Variants in MMAA observed in about 807,000 individuals in gnomAD.
MMAA encodes the protein methylmalonic aciduria type A protein, mitochondrial.
MMAA carries 41 observed loss-of-function variants against 45.0 expected under a neutral mutation model. That is an observed-to-expected ratio of 0.91 (90% CI 0.71 to 1.18). The LOEUF (loss-of-function observed/expected upper bound fraction) is 1.18. MMAA is among the 50% of genes most tolerant of loss of function. The pLI, the probability that MMAA is intolerant of heterozygous loss-of-function variation, is 0.00. For synonymous variants in MMAA, 154 were observed against 178.2 expected, an observed-to-expected ratio of 0.86 and a Z score of 1.08; for missense variants, 460 against 495.7, an observed-to-expected ratio of 0.93 and a Z score of 0.68.
In MMAA at chr4:145,625,692, G is replaced by C. The variant is rs1012678648; in HGVS notation, c.-66+6285G>C. The C allele has an allele frequency of 2.7e-5, 39 of 1,450,406 alleles. 1 individual carries two copies. The highest frequency in any genetic ancestry group is 9.7e-6 in the Non-Finnish European group (10 of 1,033,048). The allele number at this position is 1,450,406 out of a possible 1,614,324, so 89.8% of individuals were successfully genotyped here. On this transcript the variant is annotated intron_variant, in intron 1 of 6. Coordinates refer to ENST00000649156, the MANE Select transcript of MMAA (RefSeq NM_172250.3). ...CTCTAGGCACACAGAGACTTGATTG[G>C]CTAGATCTTTGTTTTGGGTACACTC...
At chr4:145,633,785 T>C (rs1434049329) in intron 1 of MMAA, among the ~76,000 whole-genome samples, 1 of 152,262 alleles carries the variant, frequency 6.6e-6, no homozygotes, top group East Asian at 1.9e-4. Flanking sequence ...ATCTAAGCCA[T>C]ATCTGCATTT....
At position 145,656,757 on chromosome 4, in the gene MMAA, T is replaced by C. The variant is rs1173312147; in HGVS notation, c.*1323T>C. 3.9e-5 allele frequency: 6 copies of C among 152,238 alleles called. No homozygotes were observed. The highest frequency in any genetic ancestry group is 1.4e-4 in the African/African-American group (6 of 41,468). 9.4% of individuals were successfully genotyped at this position (152,238 alleles called of 1,614,324 possible). On this transcript the variant is annotated 3_prime_UTR_variant, in exon 7 of 7. Transcript: ENST00000649156. The stretch of plus-strand genomic sequence containing the variant: ...AGCCTTTATAGAAGTTTCTAACATA[T>C]TCTATTCTGAACCCTGTAGAATATT...
At position 145,658,560 on chromosome 4, in the gene MMAA, A is replaced by AT. The variant is rs1728297741; in HGVS notation, c.*3130dup. 6.6e-6 allele frequency: 1 copy of AT among 152,124 alleles called. No homozygotes were observed. The highest frequency in any genetic ancestry group is 1.9e-4 in the East Asian group (1 of 5,196). The allele number at this position is 152,124 out of a possible 1,614,324, so 9.4% of individuals were successfully genotyped here. On this transcript the variant is annotated 3_prime_UTR_variant, in exon 7 of 7. Transcript: ENST00000649156. ...CTATCCCAATACAACCTAACAAGGCATTTTCTCTTCAGAATCACTCGATCA... is the reference window on the plus strand; with the variant it reads ...CTATCCCAATACAACCTAACAAGGCATTTTTCTCTTCAGAATCACTCGATCA...
chr4:145,655,750 T>C lies in MMAA; in HGVS notation c.*316T>C, dbSNP rs1269430525. The C allele has an allele frequency of 1.0e-5, 2 of 199,526 alleles. No individual in the cohort carries two copies. Among genetic ancestry groups the C allele is most frequent in the East Asian group, 2.4e-4 (2 of 8,164 alleles). The allele number at this position is 199,526 out of a possible 1,614,324, so 12.4% of individuals were successfully genotyped here. A position where few individuals can be genotyped will look rare whatever the true frequency, so the allele number is the denominator to read the frequency against. ...GGAGAGCAGAAAATATCTTGCACTTTAAAATGCTTATTTTGATTCCATATT... is the reference window on the plus strand; with the variant it reads ...GGAGAGCAGAAAATATCTTGCACTTCAAAATGCTTATTTTGATTCCATATT... On this transcript the variant is annotated 3_prime_UTR_variant, in exon 7 of 7. Transcript: ENST00000649156.
intron 4 of MMAA, chr4:145,650,319 A>G (rs1485182653): frequency 6.6e-6 from 1 of 152,344 alleles, no homozygotes; most frequent in South Asian, 2.1e-4. Context: ...TTCTTATTAC[A>G]CTGAGACTGC....
At chr4:145,652,613 C>T (rs990712052) in intron 5 of MMAA, among the ~76,000 whole-genome samples, 1 of 151,910 alleles carries the variant, frequency 6.6e-6, no homozygotes. Flanking sequence ...GCCTGTAGTC[C>T]CAGCTACTTG....
At position 145,624,850 on chromosome 4, in the gene MMAA, C is replaced by G. The variant is rs200871672; in HGVS notation, c.-66+5443C>G. ...TTACATGGGTCCTGATGGTTCTGGA[C>G]AAGCCAATCCTCTGTAACCATGCTG... On this transcript the variant is annotated intron_variant, in intron 1 of 6. Transcript: ENST00000649156. The G allele has an allele frequency of 5.4e-4, 867 of 1,607,380 alleles. 4 individuals carry two copies. In the African/African-American group the frequency reaches 8.3e-3, roughly 15 times the overall value.
At chr4:145,651,987 GC>G in intron 5 of MMAA, among the ~76,000 whole-genome samples, 1 of 152,106 alleles carries the variant, frequency 6.6e-6, no homozygotes, top group Non-Finnish European at 1.5e-5. Flanking sequence ...CCCCCCTGCT[GC>G]CCCCCTGCTG....
chr4:145,654,057 T>C lies in MMAA; in HGVS notation c.883T>C (p.Leu295=). 2 of 1,614,162 alleles carry C rather than the reference T, an allele frequency of 1.2e-6. No homozygotes were observed. Among genetic ancestry groups the C allele is most frequent in the Non-Finnish European group, 1.7e-6 (2 of 1,180,020 alleles). ...LVAVTKSDGD[L]IVPARRIQAE... The stretch of plus-strand genomic sequence containing the variant: ...AGCTGTAACTAAATCTGATGGAGAC[T>C]TGATTGTGCCAGCTCGAAGGATACA... The change falls in exon 6 of 7, where the codon TTG becomes CTG. Residue 295 remains leucine (L), a synonymous_variant. Transcript: ENST00000649156.
At chr4:145,654,952 A>G (rs1211311749) in intron 6 of MMAA, among the ~76,000 whole-genome samples, 195 bp from the exon 7 acceptor site, 1 of 152,176 alleles carries the variant, frequency 6.6e-6, no homozygotes, top group Non-Finnish European at 1.5e-5. Context: ...TATTTCTGCT[A>G]TGCACTTAGT....
Position 145,655,442 on chromosome 4 carries a change from C to T in MMAA, c.*8C>T, listed in dbSNP as rs754224809. ...TTTAAAAGCAGAGACTAATAAAATT[C>T]ATCCTGTATAATAATTTTACATATC... On this transcript the variant is annotated 3_prime_UTR_variant, in exon 7 of 7. Coordinates refer to ENST00000649156, the MANE Select transcript of MMAA (RefSeq NM_172250.3). 5.6e-6 allele frequency: 9 copies of T among 1,602,946 alleles called. No individual in the cohort carries two copies. Among genetic ancestry groups the T allele is most frequent in the Non-Finnish European group, 7.7e-6 (9 of 1,174,116 alleles).
chr4:145,628,203 A>T (rs1435368204), intron 1 of MMAA, among the ~76,000 whole-genome samples: 1 of 152,206 alleles, frequency 6.6e-6, no homozygotes, highest in East Asian at 1.9e-4. Flanking sequence ...AAAAATTCTG[A>T]ATTTTATCTT....
chr4:145,637,508 G>A (rs1727646013), intron 1 of MMAA, among the ~76,000 whole-genome samples: 1 of 150,846 alleles, frequency 6.6e-6, no homozygotes, highest in East Asian at 2.0e-4. Context: ...AGCACTTATA[G>A]TTCTACCAGT....
chr4:145,621,269 C>T (rs10029927), intron 1 of MMAA, among the ~76,000 whole-genome samples: 38,497 of 152,058 alleles, frequency 0.25, 6,248 homozygotes, highest in African/African-American at 0.46. Flanking sequence ...CTAGTTCAAG[C>T]CTGGATTTGA....
At chr4:145,638,913 C>G (rs1322232274) in intron 1 of MMAA, among the ~76,000 whole-genome samples, 162 bp from the exon 2 acceptor site, 2 of 152,142 alleles carry the variant, frequency 1.3e-5, no homozygotes, top group Non-Finnish European at 2.9e-5. Context: ...GGAGTCTTCT[C>G]TTTTAAGTTT....
At chr4:145,624,404 G>A (rs2126606931) in intron 1 of MMAA, 1 of 782,692 alleles carries the variant, frequency 1.3e-6, no homozygotes, top group Middle Eastern at 3.3e-4. Flanking sequence ...CTGTGTTAAA[G>A]GAACACCAGG....
chr4:145,625,835 C>T lies in MMAA; in HGVS notation c.-66+6428C>T. 3.2e-6 allele frequency: 4 copies of T among 1,234,954 alleles called. No homozygotes were observed. In the South Asian group the frequency reaches 3.7e-5, roughly 11 times the overall value. 76.5% of individuals were successfully genotyped at this position (1,234,954 alleles called of 1,614,324 possible). On this transcript the variant is annotated intron_variant, in intron 1 of 6. Coordinates refer to ENST00000649156, the MANE Select transcript of MMAA (RefSeq NM_172250.3). The stretch of plus-strand genomic sequence containing the variant: ...GGTCCACCTGTTCATTTAGTCACAC[C>T]TCATGGCTTCTAAGACGTTCCAGAT...
chr4:145,632,511 A>G (rs376919569), intron 1 of MMAA, among the ~76,000 whole-genome samples: 1 of 152,240 alleles, frequency 6.6e-6, no homozygotes, highest in East Asian at 1.9e-4. Flanking sequence ...GGTGATCTGT[A>G]AACTTCTTGT....
chr4:145,631,149 A>G (rs1394137086), intron 1 of MMAA, among the ~76,000 whole-genome samples: 1 of 152,244 alleles, frequency 6.6e-6, no homozygotes, highest in African/African-American at 2.4e-5. Context: ...TGTTCTGTAA[A>G]TACCTATTAG....
Sources: gnomAD v4.1 joint callset for allele counts (sites outside exome capture counted in the v4.1 genomes callset) on GRCh38, gnomAD v4.1.1 for gene constraint, MANE v1.5 for transcripts, NCBI Gene and HGNC (gene_info 2026-07-23, HGNC 2026-07-21) for gene names.